The following CNTN3 variants were observed in gnomAD, a reference collection of about 807,000 sequenced individuals.
CNTN3 encodes the protein contactin 3, also known as contactin-3.
In CNTN3, 60 loss-of-function variants were observed where a neutral mutation model predicts 119.1. The observed-to-expected ratio is 0.50, with a 90% CI of 0.41 to 0.62. The LOEUF is 0.62. CNTN3 is among the 20% of genes least tolerant of loss of function. CNTN3 has a pLI of 0.00. For synonymous variants in CNTN3, 450 were observed against 438.7 expected, an observed-to-expected ratio of 1.03 and a Z score of -0.32; for missense variants, 1,101 against 1,242.4, an observed-to-expected ratio of 0.89 and a Z score of 1.71.
chr3:74,376,170 A>G lies in CNTN3; in HGVS notation c.455-4771T>C, dbSNP rs1575670586. On this transcript the variant is annotated intron_variant, in intron 5 of 22. Transcript: ENST00000263665. ...CCTGCTGACACCTTGATGTGAGCCC[A>G]TTGAGACTTGCGTTGGACTTCTAAT... Among the ~76,000 whole-genome samples, 3 of 152,184 alleles carry G rather than the reference A, an allele frequency of 2.0e-5. No individual in the cohort carries two copies. The East Asian group carries it at 5.8e-4, about 29-fold the overall frequency.
At chr3:74,516,318 G>C (rs984597193) in intron 2 of CNTN3, among the ~76,000 whole-genome samples, 5 of 150,254 alleles carry the variant, frequency 3.3e-5, no homozygotes, top group African/African-American at 1.3e-4. Flanking sequence ...TGCCACCACT[G>C]AGACAGCAAG....
intron 11 of CNTN3, among the ~76,000 whole-genome samples, chr3:74,352,240 G>GCTTTGCTGCATTTTACATCCCTTC (rs1703832272): frequency 6.6e-6 from 1 of 152,146 alleles, no homozygotes; most frequent in Non-Finnish European, 1.5e-5. Context: ...CTACTCTCTT[G>GCTTTGCTGCATTTTACATCCCTTC]CTTTGCTGCA....
At chr3:74,511,476 C>T (rs890044830) in intron 2 of CNTN3, among the ~76,000 whole-genome samples, 1 of 152,030 alleles carries the variant, frequency 6.6e-6, no homozygotes, top group African/African-American at 2.4e-5. Context: ...ATCAGAAATT[C>T]AATTCAACAC....
At chr3:74,437,312 A>C in intron 4 of CNTN3, among the ~76,000 whole-genome samples, 1 of 152,120 alleles carries the variant, frequency 6.6e-6, no homozygotes. Context: ...AATACAAAAA[A>C]TTAGCCGGGT....
intron 5 of CNTN3, among the ~76,000 whole-genome samples, chr3:74,401,199 C>T (rs1705182656): frequency 6.6e-6 from 1 of 152,034 alleles, no homozygotes; most frequent in Admixed American, 6.6e-5. Context: ...CATTCTAGTT[C>T]CACAGCTTAG....
chr3:74,323,765 C>T (rs1017528364), intron 13 of CNTN3, among the ~76,000 whole-genome samples: 3 of 152,080 alleles, frequency 2.0e-5, no homozygotes, highest in Non-Finnish European at 2.9e-5. Context: ...GCTCCTTTTG[C>T]AAGATGTACT....
rs181573539 is a variant in CNTN3, at chr3:74,399,084, T to C, written c.454+25761A>G. On this transcript the variant is annotated intron_variant, in intron 5 of 22. Coordinates refer to ENST00000263665, the MANE Select transcript of CNTN3 (RefSeq NM_020872.3). ...TGACTATAGTCATCCTACAATGCTATAGAGAACTGGAATTTATTCTCCTAT... is the reference window on the plus strand; with the variant it reads ...TGACTATAGTCATCCTACAATGCTACAGAGAACTGGAATTTATTCTCCTAT... Among the ~76,000 whole-genome samples the C allele has an allele frequency of 4.4e-4, 67 of 152,300 alleles. No homozygotes were observed. The East Asian group carries it at 0.012, about 27-fold the overall frequency.
rs1205955205 is a variant in CNTN3 at position 74,499,601 on chromosome 3, A to G, written c.182+58T>C. The G allele has an allele frequency of 1.1e-5, 17 of 1,502,934 alleles. 1 individual carries two copies. In the East Asian group the frequency reaches 1.4e-4, roughly 12 times the overall value. The allele number at this position is 1,502,934 out of a possible 1,614,324, so 93.1% of individuals were successfully genotyped here. The stretch of plus-strand genomic sequence containing the variant: ...ATATTGAAGCAAAAAAAAATTCACA[A>G]TCACCACATAAGTGTGTTTAGTTTT... On this transcript the variant is annotated intron_variant, in intron 3 of 22. Coordinates refer to ENST00000263665, the MANE Select transcript of CNTN3 (RefSeq NM_020872.3).
chr3:74,309,654 G>A (rs907794890), intron 13 of CNTN3, among the ~76,000 whole-genome samples: 4 of 152,092 alleles, frequency 2.6e-5, no homozygotes, highest in African/African-American at 9.7e-5. Flanking sequence ...AGCAGTTAGG[G>A]TAAAAAAATT....
At chr3:74,503,736 C>A (rs562916069) in intron 2 of CNTN3, among the ~76,000 whole-genome samples, 3 of 152,130 alleles carry the variant, frequency 2.0e-5, no homozygotes, top group Non-Finnish European at 4.4e-5. Context: ...ATGGATTCAA[C>A]GTAACATTCG....
chr3:74,336,473 T>C (rs1703398999), intron 12 of CNTN3, 58 bp downstream of exon 12: 1 of 1,568,626 alleles, frequency 6.4e-7, no homozygotes. Context: ...ACTTTCCTCA[T>C]AATAATACAT....
chr3:74,575,972 A>G (rs7630534), intron 1 of CNTN3, among the ~76,000 whole-genome samples: 119,360 of 151,774 alleles, frequency 0.79, 47,036 homozygotes, highest in Middle Eastern at 0.81. Flanking sequence ...TAGCTCCACC[A>G]CAAGTACTTC....
At chr3:74,397,649 A>C (rs1456535296) in intron 5 of CNTN3, among the ~76,000 whole-genome samples, 2 of 152,180 alleles carry the variant, frequency 1.3e-5, no homozygotes, top group Non-Finnish European at 2.9e-5. Context: ...TTTGATTTTG[A>C]AGTTATAATA....
intron 4 of CNTN3, among the ~76,000 whole-genome samples, chr3:74,430,647 T>C (rs13061323): frequency 0.37 from 55,782 of 151,688 alleles, 11,353 homozygotes; most frequent in East Asian, 0.59. Flanking sequence ...TGGAGGGAGA[T>C]AGGGGAGTGT....
intron 4 of CNTN3, among the ~76,000 whole-genome samples, chr3:74,469,570 A>G (rs1575757432): frequency 6.6e-6 from 1 of 152,236 alleles, no homozygotes; most frequent in African/African-American, 2.4e-5. Context: ...AAAAGCAGGT[A>G]TATAGTTGGC....
In CNTN3 at chr3:74,423,263, G is replaced by T. The variant is rs138446183; in HGVS notation, c.454+1582C>A. ...AAAGGAAAAAACTAGGATTCAACTGGGAAGAGAAAGAAACTGAATTGTGAT... is the reference window on the plus strand; with the variant it reads ...AAAGGAAAAAACTAGGATTCAACTGTGAAGAGAAAGAAACTGAATTGTGAT... On this transcript the variant is annotated intron_variant, in intron 5 of 22. Transcript: ENST00000263665. Among the ~76,000 whole-genome samples, 769 of 152,302 alleles carry T rather than the reference G, an allele frequency of 5.0e-3. 5 individuals carry two copies. The highest frequency in any genetic ancestry group is 0.02 in the South Asian group (95 of 4,824).
chr3:74,357,766 T>A (rs1191229875), intron 11 of CNTN3, among the ~76,000 whole-genome samples: 2 of 152,078 alleles, frequency 1.3e-5, no homozygotes, highest in African/African-American at 4.8e-5. Flanking sequence ...CAAGTCCAAA[T>A]TAACCACTTA....
intron 5 of CNTN3, among the ~76,000 whole-genome samples, chr3:74,397,274 C>T (rs979376881): frequency 6.6e-6 from 1 of 152,128 alleles, no homozygotes; most frequent in Non-Finnish European, 1.5e-5. Context: ...ATTGTTGAGA[C>T]CTACTGCTCA....
chr3:74,266,421 C>T lies in CNTN3; in HGVS notation c.2986+60G>A, dbSNP rs901016090. 1.4e-5 allele frequency: 20 copies of T among 1,466,432 alleles called. No homozygotes were observed. In the African/African-American group the frequency reaches 2.5e-4, roughly 18 times the overall value. The allele number at this position is 1,466,432 out of a possible 1,614,324, so 90.8% of individuals were successfully genotyped here. A position where few individuals can be genotyped will look rare whatever the true frequency, so the allele number is the denominator to read the frequency against. ...ATGGACAGAGGGATACTGATTGACT[C>T]ACTATGGCGGATAGTAACACTGATG... On this transcript the variant is annotated intron_variant, in intron 22 of 22. Transcript: ENST00000263665.
Sources: gnomAD v4.1 joint callset for allele counts (sites outside exome capture counted in the v4.1 genomes callset) on GRCh38, gnomAD v4.1.1 for gene constraint, MANE v1.5 for transcripts, NCBI Gene and HGNC (gene_info 2026-07-23, HGNC 2026-07-21) for gene names.